Variants in RASSF8 observed in about 807,000 individuals in gnomAD.
The protein encoded by RASSF8 is Ras association domain family member 8, also known as ras association domain-containing protein 8.
In RASSF8, 22 loss-of-function variants were observed where a neutral mutation model predicts 48.5. That is an observed-to-expected ratio of 0.45 (90% CI 0.32 to 0.65). RASSF8 has a LOEUF of 0.65. Among genes scored for constraint, RASSF8 ranks in the 30% least tolerant of loss-of-function variants. The pLI is 0.03. For synonymous variants in RASSF8, 127 were observed against 171.5 expected (o/e 0.74, Z 2.03); for missense variants, 418 against 489.2 (o/e 0.85, Z 1.37).
intron 4 of RASSF8, among the ~76,000 whole-genome samples, chr12:26,067,134 T>C (rs528840957): frequency 7.1e-4 from 108 of 152,364 alleles, no homozygotes; most frequent in Non-Finnish European, 1.4e-3. Context: ...GTGGTTAATA[T>C]GTAAATTTGT....
intron 2 of RASSF8, among the ~76,000 whole-genome samples, chr12:26,032,145 A>C (rs1050258447): frequency 6.6e-6 from 1 of 152,262 alleles, no homozygotes; most frequent in African/African-American, 2.4e-5. Context: ...AAGGTCCTTC[A>C]GTTTGTAGCA....
chr12:25,991,464 A>C (rs971198231), intron 1 of RASSF8, among the ~76,000 whole-genome samples: 8 of 151,858 alleles, frequency 5.3e-5, no homozygotes, highest in African/African-American at 1.9e-4. Context: ...TCAGGGATCC[A>C]GGAATGGCTT....
At chr12:25,975,357 G>A (rs1325353234) in intron 1 of RASSF8, among the ~76,000 whole-genome samples, 1 of 152,194 alleles carries the variant, frequency 6.6e-6, no homozygotes, top group African/African-American at 2.4e-5. Flanking sequence ...TGTTCATGCT[G>A]TACTAGAGTT....
At chr12:26,056,383 G>A (rs191767013) in intron 3 of RASSF8, among the ~76,000 whole-genome samples, 4 of 152,278 alleles carry the variant, frequency 2.6e-5, no homozygotes. Context: ...ATGGGTCCAA[G>A]TTTATATTTG....
chr12:26,038,608 A>AACACACACACACACACAC (rs57536643), intron 2 of RASSF8, among the ~76,000 whole-genome samples: 203 of 144,958 alleles, frequency 1.4e-3, no homozygotes, highest in South Asian at 3.0e-3. Flanking sequence ...TTCTTATTAA[A>AACACACACACACACACAC]ACACACACAC....
At chr12:26,073,849 C>CACACACACACACACACACATAT (rs35014279), downstream of RASSF8, among the ~76,000 whole-genome samples, 9 of 144,112 alleles carry the variant, frequency 6.2e-5, no homozygotes, top group Non-Finnish European at 1.0e-4. Flanking sequence ...CACACACACA[C>CACACACACACACACACACATAT]ATATATATAT....
upstream of RASSF8, chr12:25,958,249 G>A (rs1449795827): frequency 6.6e-6 from 1 of 151,980 alleles, no homozygotes; most frequent in African/African-American, 2.4e-5. Flanking sequence ...AGTTTGACAA[G>A]TCTCAGCCCC....
chr12:25,993,304 T>C (rs1942058073), intron 1 of RASSF8, among the ~76,000 whole-genome samples: 1 of 152,246 alleles, frequency 6.6e-6, no homozygotes, highest in Non-Finnish European at 1.5e-5. Flanking sequence ...TTTAAATCTC[T>C]GGCTCTAGTG....
At chr12:25,972,683 A>T (rs544629299) in intron 1 of RASSF8, among the ~76,000 whole-genome samples, 39 of 152,362 alleles carry the variant, frequency 2.6e-4, no homozygotes, top group African/African-American at 9.4e-4. Flanking sequence ...CAGTAATACC[A>T]AAAGGAAAAA....
chr12:26,022,186 C>G (rs1942802070), intron 2 of RASSF8, among the ~76,000 whole-genome samples: 1 of 152,082 alleles, frequency 6.6e-6, no homozygotes, highest in Non-Finnish European at 1.5e-5. Flanking sequence ...AGCGGGATAC[C>G]AGATGAGGCA....
chr12:25,972,875 G>C (rs2136869292), intron 1 of RASSF8, among the ~76,000 whole-genome samples: 1 of 152,294 alleles, frequency 6.6e-6, no homozygotes, highest in East Asian at 1.9e-4. Flanking sequence ...CATAGGCCCT[G>C]TGTTCCTCAC....
chr12:26,066,277 G>A (rs1323580819), intron 4 of RASSF8, among the ~76,000 whole-genome samples: 3 of 152,152 alleles, frequency 2.0e-5, no homozygotes, highest in African/African-American at 7.2e-5. Context: ...GTCCATGCCA[G>A]GCAGCTCCAG....
intron 1 of RASSF8, among the ~76,000 whole-genome samples, chr12:25,979,836 A>AT (rs1941696774): frequency 6.8e-6 from 1 of 147,590 alleles, no homozygotes; most frequent in African/African-American, 2.5e-5. Context: ...CCCTTGAGCA[A>AT]TTTTTACTAG....
Position 26,070,305 on chromosome 12 carries a change from T to C in RASSF8, c.*1487T>C. 3.0e-6 allele frequency: 3 copies of C among 985,422 alleles called. No homozygotes were observed. The highest frequency in any genetic ancestry group is 4.7e-5 in the South Asian group (1 of 21,284). 61.0% of individuals were successfully genotyped at this position (985,422 alleles called of 1,614,324 possible). A position where few individuals can be genotyped will look rare whatever the true frequency, so the allele number is the denominator to read the frequency against. ...TTTAACACATTTGACTGACTTTGGT[T>C]TAGTGAATGCTGACAATGCTGCTCT... On this transcript the variant is annotated 3_prime_UTR_variant, in exon 6 of 6. Coordinates refer to ENST00000689635, the MANE Select transcript of RASSF8 (RefSeq NM_001394098.1).
chr12:26,029,363 A>G (rs1942981941), intron 2 of RASSF8, among the ~76,000 whole-genome samples: 1 of 152,248 alleles, frequency 6.6e-6, no homozygotes, highest in Non-Finnish European at 1.5e-5. Flanking sequence ...AGTAAGTGAC[A>G]GTGCTTCAGA....
chr12:25,958,633 C>CCG (rs1941138138), upstream of RASSF8: 1 of 145,976 alleles, frequency 6.9e-6, no homozygotes, highest in Non-Finnish European at 1.5e-5. Context: ...GCCGCCTGGC[C>CCG]GCCCGGCCCG....
intron 2 of RASSF8, among the ~76,000 whole-genome samples, chr12:26,029,334 A>G (rs1942981427): frequency 6.6e-6 from 1 of 152,180 alleles, no homozygotes; most frequent in Non-Finnish European, 1.5e-5. Context: ...TTTTTATTGT[A>G]TTCCTTTAAC....
Position 26,072,370 on chromosome 12 carries a change from A to C in RASSF8, c.*3552A>C. On this transcript the variant is annotated 3_prime_UTR_variant, in exon 6 of 6. Coordinates refer to ENST00000689635, the MANE Select transcript of RASSF8 (RefSeq NM_001394098.1). ...TATTGCTGCTTTACATCTCCAGAAT[A>C]AGCTTTCGATGCCAGGACAGTGACT... The C allele has an allele frequency of 2.2e-5, 22 of 985,346 alleles. No individual in the cohort carries two copies. Among genetic ancestry groups the C allele is most frequent in the Non-Finnish European group, 2.7e-5 (22 of 829,850 alleles). The allele number at this position is 985,346 out of a possible 1,614,324, so 61.0% of individuals were successfully genotyped here. A position where few individuals can be genotyped will look rare whatever the true frequency, so the allele number is the denominator to read the frequency against.
At chr12:26,042,433 T>C (rs897219740) in intron 2 of RASSF8, among the ~76,000 whole-genome samples, 2 of 152,230 alleles carry the variant, frequency 1.3e-5, no homozygotes, top group African/African-American at 4.8e-5. Flanking sequence ...ATTCCTTCGT[T>C]TTGGTTTTGT....
Sources: allele counts gnomAD v4.1 joint callset (sites outside exome capture counted in the v4.1 genomes callset), GRCh38; gene constraint gnomAD v4.1.1; transcripts MANE v1.5; gene names NCBI Gene and HGNC (gene_info 2026-07-23, HGNC 2026-07-21).